The following HSPG2 variants were observed in gnomAD, a reference collection of about 807,000 sequenced individuals.
HSPG2 encodes the protein basement membrane-specific heparan sulfate proteoglycan core protein.
A neutral mutation model predicts 526.6 loss-of-function variants in HSPG2; 278 were observed. The ratio of observed to expected loss-of-function variants is 0.53; its 90% CI spans 0.48 to 0.58. The LOEUF is 0.58. Among genes scored for constraint, HSPG2 ranks in the 20% least tolerant of loss-of-function variants. The probability of loss-of-function intolerance (pLI) is 0.00; values close to 1 mark genes in which losing one functional copy is unlikely to be tolerated. For missense variants in HSPG2, 5,354 were observed against 6,099.5 expected, an observed-to-expected ratio of 0.88 and a Z score of 4.07; for synonymous variants, 2,465 against 2,555.4, an observed-to-expected ratio of 0.96 and a Z score of 1.07.
Position 21,832,876 on chromosome 1 carries a change from C to A in HSPG2, c.11096-270G>T, listed in dbSNP as rs1572160877. The A allele has an allele frequency of 1.9e-5, 11 of 578,026 alleles. No individual in the cohort carries two copies. In the East Asian group the frequency reaches 2.9e-4, roughly 15 times the overall value. The allele number at this position is 578,026 out of a possible 1,614,324, so 35.8% of individuals were successfully genotyped here. A position where few individuals can be genotyped will look rare whatever the true frequency, so the allele number is the denominator to read the frequency against. ...GGGGAGAGGGAGGCAGAGACTCACCCGAGTAGAGAAGGAGGCCTGGACAGT... is the reference window on the plus strand; with the variant it reads ...GGGGAGAGGGAGGCAGAGACTCACCAGAGTAGAGAAGGAGGCCTGGACAGT... On this transcript the variant is annotated intron_variant, in intron 80 of 96. Transcript: ENST00000374695.
intron 17 of HSPG2, among the ~76,000 whole-genome samples, chr1:21,879,846 T>C (rs1400259074): frequency 6.6e-6 from 1 of 152,150 alleles, no homozygotes; most frequent in East Asian, 1.9e-4. Context: ...AGAAATGGGG[T>C]TTCACCATGT....
rs756658457 is a variant in HSPG2 at position 21,880,206 on chromosome 1, G to A, written c.2244C>T (p.His748=). Residue 748 remains histidine, a synonymous_variant, in exon 17 of 97, where the codon CAC becomes CAT. Coordinates refer to ENST00000374695, the MANE Select transcript of HSPG2 (RefSeq NM_005529.7). ...SGLSCESCDA[H]FTRVPGGPYL... ...AGGGCCCACCAGGCACCCGAGTGAAGTGGGCATCACAGCTCTCGCAGGACA... is the reference window on the plus strand; with the variant it reads ...AGGGCCCACCAGGCACCCGAGTGAAATGGGCATCACAGCTCTCGCAGGACA... 2 of 1,614,192 alleles carry A rather than the reference G, an allele frequency of 1.2e-6. No homozygotes were observed. Among genetic ancestry groups the A allele is most frequent in the Non-Finnish European group, 1.7e-6 (2 of 1,180,042 alleles).
rs142107000 is a variant in HSPG2, at chr1:21,852,096, G to A, written c.6862C>T (p.Arg2288Trp). ...TTCTTGGTGCCCTGTACCTGGTGCC[G>A]GGCAGGGAGGCTGCCCCCACGCTTG... ...WYKRGGSLPA[R>W]HQVRGSRLYI... Residue 2288 changes from arginine (R) to tryptophan (W), a missense_variant, in exon 53 of 97, where the codon CGG becomes TGG. Coordinates refer to ENST00000374695, the MANE Select transcript of HSPG2 (RefSeq NM_005529.7). The A allele has an allele frequency of 2.7e-5, 44 of 1,613,342 alleles. No individual in the cohort carries two copies. Among genetic ancestry groups the A allele is most frequent in the East Asian group, 1.3e-4 (6 of 44,878 alleles).
intron 91 of HSPG2, among the ~76,000 whole-genome samples, chr1:21,825,735 T>A (rs2097971078): frequency 6.6e-6 from 1 of 152,210 alleles, no homozygotes; most frequent in Non-Finnish European, 1.5e-5. Context: ...TGCATTTAAC[T>A]CAATCCTTAC....
At chr1:21,856,903 G>A in intron 44 of HSPG2, 112 bp downstream of exon 44, 3 of 1,143,840 alleles carry the variant, frequency 2.6e-6, no homozygotes, top group Non-Finnish European at 2.6e-6. Context: ...CCAGGACCAG[G>A]CATGCAGCAG....
intron 1 of HSPG2, among the ~76,000 whole-genome samples, chr1:21,933,084 G>A (rs1306024166): frequency 6.6e-6 from 1 of 152,046 alleles, no homozygotes; most frequent in Non-Finnish European, 1.5e-5. Context: ...GCCAGGTGTA[G>A]AGGAGGGTGT....
intron 1 of HSPG2, among the ~76,000 whole-genome samples, chr1:21,925,048 T>G (rs968417872): frequency 2.4e-4 from 37 of 152,246 alleles, no homozygotes; most frequent in African/African-American, 8.9e-4. Flanking sequence ...GTAGGGACCA[T>G]GCCTCCAATT....
rs1261141026 is a variant in HSPG2, at chr1:21,858,646, T to C, written c.5293+920A>G. Among the ~76,000 whole-genome samples the C allele has an allele frequency of 6.6e-6, 1 of 152,244 alleles. No individual in the cohort carries two copies. Among genetic ancestry groups the C allele is most frequent in the African/African-American group, 2.4e-5 (1 of 41,472 alleles). On this transcript the variant is annotated intron_variant, in intron 42 of 96. Transcript: ENST00000374695. The surrounding 1 kb of genome is among the most constrained non-coding windows in gnomAD (Gnocchi z 4.2). ...TTCTCTCTGACCTGTTTGTAGCCTG[T>C]GCTGCTGGTGGCCTAGCCACGCTTC...
At position 21,855,372 on chromosome 1, in the gene HSPG2, A is replaced by C; in HGVS notation, c.5929T>G (p.Cys1977Gly). 6.2e-7 allele frequency: 1 copy of C among 1,612,550 alleles called. No homozygotes were observed. Among genetic ancestry groups the C allele is most frequent in the Non-Finnish European group, 8.5e-7 (1 of 1,179,654 alleles). The change falls in exon 47 of 97, where the codon TGC (cysteine) becomes GGC (glycine). Residue 1977 changes from cysteine (C) to glycine (G), a missense_variant. Cys to Gly is a radical substitution (Grantham distance 159). Transcript: ENST00000374695. ...GCGCTAGGCACGCCTGCAGCCCTGC[A>C]GTACAGCCTGACGGTGCGGCCTGCG... ...VHAGRTVRLY[C>G]RAAGVPSATI... is the part of the protein sequence containing the mutation.
chr1:21,921,405 T>C (rs1269457928), intron 1 of HSPG2, among the ~76,000 whole-genome samples: 1 of 152,180 alleles, frequency 6.6e-6, no homozygotes, highest in Non-Finnish European at 1.5e-5. Context: ...GGCCTGTTAC[T>C]ATACCAGAGT....
At chr1:21,878,345 G>A in intron 20 of HSPG2, 88 bp downstream of exon 20, 2 of 1,573,398 alleles carry the variant, frequency 1.3e-6, no homozygotes, top group African/African-American at 1.3e-5. Context: ...CAAGGTTCAT[G>A]AGCTGGGGCA....
rs1189715464 is a variant in HSPG2, at chr1:21,890,516, G to A, written c.355-31C>T. 2 of 1,613,132 alleles carry A rather than the reference G, an allele frequency of 1.2e-6. No homozygotes were observed. Among genetic ancestry groups the A allele is most frequent in the African/African-American group, 1.3e-5 (1 of 74,854 alleles). On this transcript the variant is annotated intron_variant, in intron 4 of 96. Transcript: ENST00000374695. The surrounding 1 kb of genome is among the most constrained non-coding windows in gnomAD (Gnocchi z 4.1). ...GAGGGACACAGTGCCATCAGCCCCA[G>A]AGGCCTTCACCCCATCCTCGGTCCT...
rs1313856487 is a variant in HSPG2, at chr1:21,920,011, A to C, written c.63+17144T>G. ...AACTGCCGCCTCCCGGGTTCAAGCG[A>C]TTCTACTGCTTCAGCCTCCCAGGTA... On this transcript the variant is annotated intron_variant, in intron 1 of 96. Coordinates refer to ENST00000374695, the MANE Select transcript of HSPG2 (RefSeq NM_005529.7). 5.8e-4 allele frequency among the ~76,000 whole-genome samples: 89 copies of C among 152,150 alleles called. 2 individuals are homozygous for C. Among genetic ancestry groups the C allele is most frequent in the Non-Finnish European group, 1.6e-4 (11 of 68,034 alleles).
At position 21,848,034 on chromosome 1, in the gene HSPG2, C is replaced by A. The variant is rs142770983; in HGVS notation, c.7797G>T (p.Val2599=). The change falls in exon 60 of 97, where the codon GTG becomes GTT. Residue 2599 remains valine, a synonymous_variant. Coordinates refer to ENST00000374695, the MANE Select transcript of HSPG2 (RefSeq NM_005529.7). The surrounding 1 kb of genome is among the most constrained non-coding windows in gnomAD (Gnocchi z 4.9). ...QVTPADSGEY[V]CHVSNGAGSR... is the part of the protein sequence containing the mutation. Reference sequence around the variant, plus strand: ...AGCCTGCACCGTTACTGACGTGACACACGTACTCGCCCGAGTCTGCCGGAG... The same window carrying A: ...AGCCTGCACCGTTACTGACGTGACAAACGTACTCGCCCGAGTCTGCCGGAG... The A allele has an allele frequency of 1.9e-6, 3 of 1,613,410 alleles. No individual in the cohort carries two copies. Among genetic ancestry groups the A allele is most frequent in the Non-Finnish European group, 2.5e-6 (3 of 1,180,002 alleles).
chr1:21,875,860 C>T lies in HSPG2; in HGVS notation c.3183+3G>A, dbSNP rs1641021517. ...CCTACCCCCAGGGGACAGTATTGCT[C>T]ACCTCCCGGAAAGGCACAATGAAGG... On this transcript the variant is annotated splice_donor_region_variant and intron_variant, in intron 24 of 96. Transcript: ENST00000374695. 1 of 1,613,910 alleles carries T rather than the reference C, an allele frequency of 6.2e-7. No homozygotes were observed. The highest frequency in any genetic ancestry group is 8.5e-7 in the Non-Finnish European group (1 of 1,180,014).
At chr1:21,844,011 A>G (rs1297528397) in intron 65 of HSPG2, 137 bp downstream of exon 65, 4 of 1,205,286 alleles carry the variant, frequency 3.3e-6, no homozygotes, top group African/African-American at 1.5e-5. Context: ...CCCGCTCTCA[A>G]CTTCCTGATT....
rs1642053849 is a variant in HSPG2, at chr1:21,887,898, CT to C, written c.703+39del. ...CCAGGTGTAGGACCCTGGCCCTCCCCTGGCACCCAAACCACTCGTGGCCCCG... is the reference window on the plus strand; with the variant it reads ...CCAGGTGTAGGACCCTGGCCCTCCCCGGCACCCAAACCACTCGTGGCCCCG... On this transcript the variant is annotated intron_variant, in intron 7 of 96. Transcript: ENST00000374695. This position sits in a 1 kb window ranked among gnomAD's most constrained non-coding sequence, Gnocchi z 5.0. 6.2e-7 allele frequency: 1 copy of C among 1,613,626 alleles called. No individual in the cohort carries two copies. The highest frequency in any genetic ancestry group is 1.7e-5 in the Admixed American group (1 of 60,010).
At chr1:21,852,047 C>T in intron 53 of HSPG2, 41 bp downstream of exon 53, 1 of 1,612,228 alleles carries the variant, frequency 6.2e-7, no homozygotes, top group South Asian at 1.1e-5. Context: ...TCCTGCAACC[C>T]ACTGTCCATG....
intron 74 of HSPG2, among the ~76,000 whole-genome samples, chr1:21,838,175 C>G (rs886730333): frequency 3.4e-5 from 5 of 148,922 alleles, no homozygotes; most frequent in African/African-American, 9.9e-5. Context: ...AACTGAGGCT[C>G]AAAAAGGTTC....
Sources: gnomAD v4.1 joint callset for allele counts (sites outside exome capture counted in the v4.1 genomes callset) on GRCh38, gnomAD v4.1.1 for gene constraint, Gnocchi (gnomAD v3.1) non-coding constraint, MANE v1.5 for transcripts, NCBI Gene and HGNC (gene_info 2026-07-23, HGNC 2026-07-21) for gene names.